MAS1: variants seen among roughly 807,000 people sequenced by gnomAD.
MAS1 encodes MAS1 proto-oncogene, G protein-coupled receptor, also known as proto-oncogene Mas.
For synonymous variants in MAS1, 163 were observed against 164.2 expected (o/e 0.99, Z 0.05); for missense variants, 387 against 409.7 (o/e 0.94, Z 0.48).
At chr6:159,903,160 C>T (rs776690477) in intron 2 of MAS1, among the ~76,000 whole-genome samples, 9 of 152,126 alleles carry the variant, frequency 5.9e-5, no homozygotes, top group Admixed American at 5.2e-4. Context: ...CTGGGACCTC[C>T]GATATGTAGC....
chr6:159,891,595 A>G (rs1330875566), intron 1 of MAS1, among the ~76,000 whole-genome samples: 3 of 152,214 alleles, frequency 2.0e-5, no homozygotes, highest in Non-Finnish European at 4.4e-5. Flanking sequence ...TTGGCATCAC[A>G]GGGGCAAGCT....
intron 1 of MAS1, among the ~76,000 whole-genome samples, chr6:159,894,229 C>A (rs952410688): frequency 6.6e-6 from 1 of 151,838 alleles, no homozygotes; most frequent in African/African-American, 2.4e-5. Context: ...GCAGACTGGC[C>A]AACACGGCAA....
intron 2 of MAS1, among the ~76,000 whole-genome samples, chr6:159,903,765 T>C (rs1782850245): frequency 6.6e-6 from 1 of 152,186 alleles, no homozygotes; most frequent in South Asian, 2.1e-4. Flanking sequence ...CCCTACTTCC[T>C]GACTCCTCAG....
At chr6:159,889,442 C>T (rs1343428550), upstream of MAS1, among the ~76,000 whole-genome samples, 2 of 152,296 alleles carry the variant, frequency 1.3e-5, no homozygotes, top group Non-Finnish European at 2.9e-5. Context: ...ATCCCTCTGT[C>T]GTATCCCATC....
chr6:159,894,073 G>T (rs1348419478), intron 1 of MAS1, among the ~76,000 whole-genome samples: 1 of 152,134 alleles, frequency 6.6e-6, no homozygotes, highest in Non-Finnish European at 1.5e-5. Flanking sequence ...GGGTATATGG[G>T]TCTGACATGC....
rs754960908 is a variant in MAS1 at position 159,907,512 on chromosome 6, C to T, written c.557C>T (p.Ala186Val). The T allele has an allele frequency of 1.8e-5, 29 of 1,614,032 alleles. No homozygotes were observed. The East Asian group carries it at 6.5e-4, about 36-fold the overall frequency. ...EESHSRNDCR[A>V]VIIFIAILSF... ...AGTCACTCTCGGAATGACTGCCGAG[C>T]AGTCATCATCTTTATAGCCATCCTG... Residue 186 changes from alanine (A) to valine (V), a missense_variant, in exon 3 of 3, where the codon GCA becomes GTA. Transcript: ENST00000674077.
intron 1 of MAS1, among the ~76,000 whole-genome samples, chr6:159,892,128 C>A (rs543701160): frequency 6.6e-6 from 1 of 152,188 alleles, no homozygotes; most frequent in African/African-American, 2.4e-5. Flanking sequence ...AGCAAGAAGT[C>A]TCTGCTTCTG....
rs143710689 is a variant in MAS1 at position 159,896,521 on chromosome 6, A to T, written c.-243-2665A>T. Among the ~76,000 whole-genome samples the T allele has an allele frequency of 7.2e-4, 110 of 152,328 alleles. 1 individual carries two copies. Among genetic ancestry groups the T allele is most frequent in the African/African-American group, 2.6e-3 (108 of 41,580 alleles). ...AACAAAGACCAATGGAATATCCTAA[A>T]TGTTGAATCTGGTTAATTTTTAATA... On this transcript the variant is annotated intron_variant, in intron 1 of 2. Transcript: ENST00000674077.
upstream of MAS1, among the ~76,000 whole-genome samples, chr6:159,889,059 G>T (rs1363632459): frequency 6.6e-6 from 1 of 152,126 alleles, no homozygotes; most frequent in African/African-American, 2.4e-5. Flanking sequence ...CTCAAGCTGG[G>T]GGCAAAGAGA....
Position 159,907,676 on chromosome 6 carries a change from G to T in MAS1, c.721G>T (p.Ala241Ser). The T allele has an allele frequency of 6.2e-7, 1 of 1,613,502 alleles. No individual in the cohort carries two copies. The change falls in exon 3 of 3, where the codon GCT becomes TCT. Residue 241 changes from alanine to serine, a missense_variant. Transcript: ENST00000674077. ...CACCATCATTATATTCCTCATCTTC[G>T]CTATGCCCATGAGACTCCTTTACCT... is the stretch of plus-strand genomic sequence containing the variant. ...MVTIIIFLIF[A>S]MPMRLLYLLY...
In MAS1 at chr6:159,907,481, G is replaced by T. The variant is rs1168139950; in HGVS notation, c.526G>T (p.Glu176Ter). The change falls in exon 3 of 3, where the codon GAA becomes TAA. Residue 176 changes from glutamate to a stop codon, truncating the protein, a stop_gained. Transcript: ENST00000674077. LOFTEE classifies it low-confidence loss of function (END_TRUNC). ...MEYVMCIDRE[E>*]ESHSRNDCRA... ...GTATGTCATGTGCATCGACAGAGAA[G>T]AAGAGAGTCACTCTCGGAATGACTG... is the stretch of plus-strand genomic sequence containing the variant. 1.2e-6 allele frequency: 2 copies of T among 1,614,038 alleles called. No homozygotes were observed. Among genetic ancestry groups the T allele is most frequent in the Non-Finnish European group, 1.7e-6 (2 of 1,180,036 alleles).
rs1782999847 is a variant in MAS1 at position 159,914,581 on chromosome 6, C to T, written c.*6648C>T. 6.6e-6 allele frequency: 1 copy of T among 152,142 alleles called. No homozygotes were observed. 9.4% of individuals were successfully genotyped at this position (152,142 alleles called of 1,614,324 possible). On this transcript the variant is annotated 3_prime_UTR_variant, in exon 3 of 3. Coordinates refer to ENST00000674077, the MANE Select transcript of MAS1 (RefSeq NM_002377.4). ...TGTTTCCAGGCCAGGGGAGGGCTCT[C>T]GAGTATACCTAGGCTCGTGGAAAAT...
chr6:159,896,679 C>T lies in MAS1; in HGVS notation c.-243-2507C>T, dbSNP rs911538455. Among the ~76,000 whole-genome samples, 5 of 152,120 alleles carry T rather than the reference C, an allele frequency of 3.3e-5. No homozygotes were observed. In the East Asian group the frequency reaches 9.6e-4, roughly 29 times the overall value. The stretch of plus-strand genomic sequence containing the variant: ...AAGATTAAAGAGGCTATAAAATGAG[C>T]CCTGCTGGGACTGTAACTGCCTAAA... On this transcript the variant is annotated intron_variant, in intron 1 of 2. Coordinates refer to ENST00000674077, the MANE Select transcript of MAS1 (RefSeq NM_002377.4).
upstream of MAS1, among the ~76,000 whole-genome samples, chr6:159,889,539 A>G (rs544494205): frequency 4.1e-4 from 62 of 151,950 alleles, no homozygotes; most frequent in Non-Finnish European, 1.2e-4. Flanking sequence ...TTCCCTAATC[A>G]TGTTTTCTTC....
intron 1 of MAS1, among the ~76,000 whole-genome samples, chr6:159,897,702 C>G (rs1782769410): frequency 1.3e-5 from 2 of 152,060 alleles, no homozygotes. Flanking sequence ...TAGGTGAGAT[C>G]TCACACTGTC....
Position 159,915,130 on chromosome 6 carries a change from G to A in MAS1, c.*7197G>A, listed in dbSNP as rs1349968305. 1 of 152,162 alleles carries A rather than the reference G, an allele frequency of 6.6e-6. No homozygotes were observed. Among genetic ancestry groups the A allele is most frequent in the Non-Finnish European group, 1.5e-5 (1 of 68,042 alleles). 9.4% of individuals were successfully genotyped at this position (152,162 alleles called of 1,614,324 possible). A position where few individuals can be genotyped will look rare whatever the true frequency, so the allele number is the denominator to read the frequency against. On this transcript the variant is annotated 3_prime_UTR_variant, in exon 3 of 3. Transcript: ENST00000674077. The stretch of plus-strand genomic sequence containing the variant: ...CCATCTTGTTGAGCTCTCCCAAAAT[G>A]TCCCCTTCTCCTACATTGGCACACG...
At chr6:159,894,418 CAAAA>C (rs5881344) in intron 1 of MAS1, among the ~76,000 whole-genome samples, 5 of 79,138 alleles carry the variant, frequency 6.3e-5, no homozygotes, top group South Asian at 9.1e-4. Flanking sequence ...GACCCTGTCT[CAAAA>C]AAAAAAAAAA....
In MAS1 at chr6:159,908,294, G is replaced by A. The variant is rs1488496539; in HGVS notation, c.*361G>A. The A allele has an allele frequency of 1.2e-5, 2 of 164,324 alleles. No individual in the cohort carries two copies. Among genetic ancestry groups the A allele is most frequent in the African/African-American group, 2.4e-5 (1 of 41,856 alleles). 10.2% of individuals were successfully genotyped at this position (164,324 alleles called of 1,614,324 possible). A position where few individuals can be genotyped will look rare whatever the true frequency, so the allele number is the denominator to read the frequency against. Reference sequence around the variant, plus strand: ...GCAGGAAGAACAAGGGTCGCTTCCTGTGTGACCTCAGGCAAGTTGTTAAAC... The same window carrying A: ...GCAGGAAGAACAAGGGTCGCTTCCTATGTGACCTCAGGCAAGTTGTTAAAC... On this transcript the variant is annotated 3_prime_UTR_variant, in exon 3 of 3. Transcript: ENST00000674077.
At position 159,906,933 on chromosome 6, in the gene MAS1, G is replaced by C; in HGVS notation, c.-23G>C. 1.3e-6 allele frequency: 2 copies of C among 1,559,652 alleles called. No individual in the cohort carries two copies. The highest frequency in any genetic ancestry group is 1.7e-6 in the Non-Finnish European group (2 of 1,149,326). On this transcript the variant is annotated 5_prime_UTR_variant, in exon 3 of 3. Transcript: ENST00000674077. ...ACATATTTACAGAAAATTACCTGAAGAGTTCCAACCTGAGGCCTCCTCATG... is the reference window on the plus strand; with the variant it reads ...ACATATTTACAGAAAATTACCTGAACAGTTCCAACCTGAGGCCTCCTCATG...
Sources: allele counts gnomAD v4.1 joint callset (sites outside exome capture counted in the v4.1 genomes callset), GRCh38; gene constraint gnomAD v4.1.1; transcripts MANE v1.5; gene names NCBI Gene and HGNC (gene_info 2026-07-23, HGNC 2026-07-21).